Variants in SCRG1 observed in about 807,000 individuals in gnomAD.
SCRG1 encodes the protein scrapie-responsive protein 1.
In SCRG1, 3 loss-of-function variants were observed where a neutral mutation model predicts 7.7. The observed-to-expected ratio is 0.39, with a 90% confidence interval of 0.18 to 1.01. The LOEUF (loss-of-function observed/expected upper bound fraction) is 1.01. Among genes scored for constraint, SCRG1 ranks in the 50% least tolerant of loss-of-function variants. The pLI, the probability that SCRG1 is intolerant of heterozygous loss-of-function variation, is 0.36. For missense variants in SCRG1, 110 were observed against 117.2 expected (o/e 0.94, Z 0.28); for synonymous variants, 46 against 41.2 (o/e 1.12, Z -0.44).
At chr4:173,502,141 G>T in the SCRG1 span, among the ~76,000 whole-genome samples, 1 of 150,640 alleles carries the variant, frequency 6.6e-6, no homozygotes, top group Non-Finnish European at 1.5e-5. This position sits in a 1 kb window ranked among gnomAD's most constrained non-coding sequence, Gnocchi z 4.6. Flanking sequence ...TTCGGACTCA[G>T]CTTCCTTTTT....
upstream of SCRG1, among the ~76,000 whole-genome samples, chr4:173,400,668 C>T (rs886672829): frequency 2.0e-5 from 3 of 152,150 alleles, no homozygotes; most frequent in East Asian, 1.9e-4. Flanking sequence ...GCATTTCATA[C>T]GTCTGAACTC....
At chr4:173,511,677 T>C in the SCRG1 span, among the ~76,000 whole-genome samples, 2 of 152,148 alleles carry the variant, frequency 1.3e-5, no homozygotes, top group Admixed American at 1.3e-4. The surrounding 1 kb of genome is among the most constrained non-coding windows in gnomAD (Gnocchi z 5.2). Context: ...AGATGAACCC[T>C]AAAGGCCCAT....
At chr4:173,507,600 T>A in the SCRG1 span, among the ~76,000 whole-genome samples, 4 of 152,218 alleles carry the variant, frequency 2.6e-5, no homozygotes, top group East Asian at 7.8e-4. The surrounding 1 kb of genome is among the most constrained non-coding windows in gnomAD (Gnocchi z 4.4). Context: ...CTCCCCTACC[T>A]GCTTGAAAGG....
the SCRG1 span, among the ~76,000 whole-genome samples, chr4:173,506,911 G>A: frequency 2.0e-5 from 3 of 152,166 alleles, no homozygotes; most frequent in African/African-American, 2.4e-5. This position sits in a 1 kb window ranked among gnomAD's most constrained non-coding sequence, Gnocchi z 5.3. Flanking sequence ...CTTCTCCCCG[G>A]CCGGGCTCGC....
the SCRG1 span, among the ~76,000 whole-genome samples, chr4:173,472,698 G>A: frequency 6.6e-6 from 1 of 151,704 alleles, no homozygotes; most frequent in African/African-American, 2.4e-5. Flanking sequence ...AGGGAGGTTT[G>A]GGTCTTTTAT....
chr4:173,406,556 T>A (rs1359272878), upstream of SCRG1, among the ~76,000 whole-genome samples: 1 of 152,184 alleles, frequency 6.6e-6, no homozygotes, highest in Non-Finnish European at 1.5e-5. Context: ...TAGTGTCTTG[T>A]ACATACCATT....
At chr4:173,457,237 G>A in the SCRG1 span, among the ~76,000 whole-genome samples, 1 of 152,328 alleles carries the variant, frequency 6.6e-6, no homozygotes, top group East Asian at 1.9e-4. Flanking sequence ...CACAACCACT[G>A]AGGAATGAAG....
At chr4:173,423,156 T>G in the SCRG1 span, among the ~76,000 whole-genome samples, 1 of 152,228 alleles carries the variant, frequency 6.6e-6, no homozygotes, top group Non-Finnish European at 1.5e-5. Context: ...AGTGTACATT[T>G]TCTTAAAAAA....
the SCRG1 span, among the ~76,000 whole-genome samples, chr4:173,483,719 T>TCATATATAATATATATGATATATTATA: frequency 0.61 from 1,819 of 2,978 alleles, 832 homozygotes; most frequent in Middle Eastern, 1. Flanking sequence ...ATATATTATA[T>TCATATATAATATATATGATATATTATA]TGTGATATAT....
At chr4:173,495,097 C>G in the SCRG1 span, among the ~76,000 whole-genome samples, 1 of 152,182 alleles carries the variant, frequency 6.6e-6, no homozygotes, top group South Asian at 2.1e-4. Flanking sequence ...GTAACTGCCC[C>G]AAGTGATTGG....
chr4:173,403,129 C>A (rs1321582627), upstream of SCRG1: 1 of 152,108 alleles, frequency 6.6e-6, no homozygotes, highest in Non-Finnish European at 1.5e-5. Flanking sequence ...ATTACCCAAA[C>A]TTAGCTTTAT....
the SCRG1 span, among the ~76,000 whole-genome samples, chr4:173,490,991 A>G: frequency 6.6e-6 from 1 of 152,106 alleles, no homozygotes; most frequent in African/African-American, 2.4e-5. Flanking sequence ...GTGTCCCATT[A>G]TGCCAGGGAC....
chr4:173,388,422 A>G (rs781449661), intron 2 of SCRG1, 27 bp from the exon 3 acceptor site: 1 of 1,538,046 alleles, frequency 6.5e-7, no homozygotes, highest in Non-Finnish European at 9.0e-7. Flanking sequence ...CATCAATTAA[A>G]TTCACCTTAA....
the SCRG1 span, among the ~76,000 whole-genome samples, chr4:173,483,999 A>G: frequency 1.4e-5 from 1 of 72,432 alleles, no homozygotes; most frequent in Non-Finnish European, 2.6e-5. Flanking sequence ...TATATGATAT[A>G]TATTACATAT....
At chr4:173,478,541 T>C in the SCRG1 span, among the ~76,000 whole-genome samples, 1 of 152,222 alleles carries the variant, frequency 6.6e-6, no homozygotes, top group East Asian at 1.9e-4. Flanking sequence ...CTGTGTGGAC[T>C]GTCTCAGTGT....
the SCRG1 span, among the ~76,000 whole-genome samples, chr4:173,489,617 A>T: frequency 6.6e-6 from 1 of 152,142 alleles, no homozygotes; most frequent in Admixed American, 6.5e-5. Context: ...GGTACAATTC[A>T]ACCAGGATTG....
the SCRG1 span, among the ~76,000 whole-genome samples, chr4:173,416,374 C>T: frequency 6.6e-6 from 1 of 152,248 alleles, no homozygotes; most frequent in African/African-American, 2.4e-5. Flanking sequence ...ACTCCTTGTG[C>T]CCATCTTGTG....
chr4:173,499,362 C>A, the SCRG1 span, among the ~76,000 whole-genome samples: 4 of 152,198 alleles, frequency 2.6e-5, no homozygotes, highest in Admixed American at 1.3e-4. This position sits in a 1 kb window ranked among gnomAD's most constrained non-coding sequence, Gnocchi z 4.1. Flanking sequence ...CTTTTAGCCA[C>A]TGTCCTCTGC....
At chr4:173,395,198 G>A (rs1739569536) in intron 1 of SCRG1, among the ~76,000 whole-genome samples, 1 of 152,058 alleles carries the variant, frequency 6.6e-6, no homozygotes, top group Non-Finnish European at 1.5e-5. Flanking sequence ...CAATTTAAAT[G>A]ATATATTTGT....
Sources: allele counts gnomAD v4.1 joint callset (sites outside exome capture counted in the v4.1 genomes callset), GRCh38; gene constraint gnomAD v4.1.1; non-coding constraint Gnocchi (gnomAD v3.1); transcripts MANE v1.5; gene names NCBI Gene and HGNC (gene_info 2026-07-23, HGNC 2026-07-21).